UBE2E2: variants seen among roughly 807,000 people sequenced by gnomAD.
UBE2E2 encodes the protein ubiquitin-conjugating enzyme E2 E2.
In UBE2E2, 6 loss-of-function variants were observed where a neutral mutation model predicts 24.7. The ratio of observed to expected loss-of-function variants is 0.24; its 90% CI spans 0.13 to 0.48. UBE2E2 has a LOEUF of 0.48. UBE2E2 is among the 20% of genes least tolerant of loss of function. The pLI is 0.99. For synonymous variants in UBE2E2, 104 were observed against 83.6 expected (o/e 1.24, Z -1.33); for missense variants, 169 against 245.0 (o/e 0.69, Z 2.07).
At chr3:23,301,522 T>C (rs1559339558) in intron 3 of UBE2E2, among the ~76,000 whole-genome samples, 1 of 152,240 alleles carries the variant, frequency 6.6e-6, no homozygotes, top group Non-Finnish European at 1.5e-5. Context: ...CAGCCGCAGG[T>C]CTGTTGGAGT....
chr3:23,561,151 C>G (rs1350994310), intron 5 of UBE2E2, among the ~76,000 whole-genome samples: 1 of 152,178 alleles, frequency 6.6e-6, no homozygotes, highest in Admixed American at 6.5e-5. Flanking sequence ...ACCCCCATCC[C>G]TATGTCCTGA....
At chr3:23,448,730 ATG>A (rs1698489110) in intron 3 of UBE2E2, among the ~76,000 whole-genome samples, 1 of 152,072 alleles carries the variant, frequency 6.6e-6, no homozygotes, top group Admixed American at 6.6e-5. Flanking sequence ...CTTTCTTGTA[ATG>A]TAGACAGAAA....
chr3:23,570,296 A>G (rs1038498435), intron 5 of UBE2E2, among the ~76,000 whole-genome samples: 2 of 152,112 alleles, frequency 1.3e-5, no homozygotes, highest in African/African-American at 4.8e-5. Context: ...CCTTCTGGGT[A>G]ACAGGTGTCA....
At chr3:23,412,701 G>A (rs1697521566) in intron 3 of UBE2E2, among the ~76,000 whole-genome samples, 1 of 152,110 alleles carries the variant, frequency 6.6e-6, no homozygotes, top group East Asian at 1.9e-4. Flanking sequence ...CAAGTACACT[G>A]ACAACATACT....
chr3:23,334,569 C>T (rs951267306), intron 3 of UBE2E2, among the ~76,000 whole-genome samples: 23 of 151,698 alleles, frequency 1.5e-4, no homozygotes, highest in African/African-American at 3.4e-4. Flanking sequence ...ACTATAATTT[C>T]GAAGTTTATT....
intron 3 of UBE2E2, among the ~76,000 whole-genome samples, chr3:23,377,663 A>C (rs1049707755): frequency 2.0e-5 from 3 of 152,216 alleles, no homozygotes; most frequent in Non-Finnish European, 4.4e-5. Flanking sequence ...CAAGAGTTGT[A>C]AGAATTTCCC....
chr3:23,235,165 A>C (rs376593333), intron 3 of UBE2E2, among the ~76,000 whole-genome samples: 11 of 152,204 alleles, frequency 7.2e-5, no homozygotes, highest in South Asian at 2.1e-4. Flanking sequence ...AAACAAAACA[A>C]AACAGAAAAA....
intron 3 of UBE2E2, among the ~76,000 whole-genome samples, chr3:23,299,728 T>C (rs1434551926): frequency 6.6e-6 from 1 of 152,212 alleles, no homozygotes; most frequent in South Asian, 2.1e-4. Flanking sequence ...TTGGAGTAGG[T>C]GTGGTGTGGT....
At chr3:23,228,870 T>A (rs1696896357) in intron 3 of UBE2E2, among the ~76,000 whole-genome samples, 1 of 152,208 alleles carries the variant, frequency 6.6e-6, no homozygotes, top group African/African-American at 2.4e-5. Context: ...GTAGACTCTC[T>A]CCACACACTT....
chr3:23,216,270 A>G (rs1234066467), intron 2 of UBE2E2, among the ~76,000 whole-genome samples: 1 of 152,164 alleles, frequency 6.6e-6, no homozygotes, highest in Non-Finnish European at 1.5e-5. Flanking sequence ...TACCAATTCT[A>G]TTGGAGGGAT....
chr3:23,260,997 G>C (rs1697886391), intron 3 of UBE2E2, among the ~76,000 whole-genome samples: 1 of 152,106 alleles, frequency 6.6e-6, no homozygotes. Flanking sequence ...CAGCTACCTG[G>C]GAAGCTGATG....
intron 3 of UBE2E2, among the ~76,000 whole-genome samples, chr3:23,406,967 G>A (rs954262292): frequency 6.6e-6 from 1 of 152,174 alleles, no homozygotes; most frequent in African/African-American, 2.4e-5. Context: ...GCAGGGGCTG[G>A]GGTGTGGAAG....
chr3:23,255,079 CTTTTTTTTTT>C (rs202015038), intron 3 of UBE2E2, among the ~76,000 whole-genome samples: 22,000 of 87,196 alleles, frequency 0.25, 2,029 homozygotes, highest in South Asian at 0.36. Context: ...GAGTAACTTC[CTTTTTTTTTT>C]TTTTTTTTTT....
At chr3:23,394,272 G>C (rs981334223) in intron 3 of UBE2E2, among the ~76,000 whole-genome samples, 4 of 152,094 alleles carry the variant, frequency 2.6e-5, no homozygotes, top group African/African-American at 9.7e-5. Flanking sequence ...TATGAAAATG[G>C]ATCAATATTT....
At chr3:23,578,111 A>T (rs911262775) in intron 5 of UBE2E2, among the ~76,000 whole-genome samples, 9 of 152,316 alleles carry the variant, frequency 5.9e-5, no homozygotes, top group African/African-American at 1.2e-4. Flanking sequence ...AAAAAAATTT[A>T]AAAGTGGGCA....
At chr3:23,507,038 C>G (rs1379044296) in intron 4 of UBE2E2, among the ~76,000 whole-genome samples, 1 of 152,146 alleles carries the variant, frequency 6.6e-6, no homozygotes, top group African/African-American at 2.4e-5. Context: ...ATAGAACCAC[C>G]CCGTCCACAG....
At chr3:23,498,226 TC>T (rs1699647130) in intron 3 of UBE2E2, among the ~76,000 whole-genome samples, 1 of 152,196 alleles carries the variant, frequency 6.6e-6, no homozygotes, top group African/African-American at 2.4e-5. Flanking sequence ...CTTGTCACTC[TC>T]TTCAGTCAAA....
At chr3:23,332,718 T>TGTGTGTGTGTGCGCGC in intron 3 of UBE2E2, among the ~76,000 whole-genome samples, 1 of 148,370 alleles carries the variant, frequency 6.7e-6, no homozygotes, top group South Asian at 2.1e-4. Context: ...TGTGTGTGTG[T>TGTGTGTGTGTGCGCGC]GCAGCTATGG....
At chr3:23,343,181 C>T (rs1440299969) in intron 3 of UBE2E2, among the ~76,000 whole-genome samples, 5 of 151,770 alleles carry the variant, frequency 3.3e-5, no homozygotes, top group Non-Finnish European at 7.4e-5. Flanking sequence ...AAGGAGTTAA[C>T]ATGTTCATGA....
Sources: allele counts gnomAD v4.1 joint callset (sites outside exome capture counted in the v4.1 genomes callset), GRCh38; gene constraint gnomAD v4.1.1; transcripts MANE v1.5; gene names NCBI Gene and HGNC (gene_info 2026-07-23, HGNC 2026-07-21).